The following LRRTM4 variants were observed in gnomAD, a reference collection of about 807,000 sequenced individuals.
LRRTM4 encodes leucine rich repeat transmembrane neuronal 4, also known as leucine-rich repeat transmembrane neuronal protein 4.
A neutral mutation model predicts 47.6 loss-of-function variants in LRRTM4; 25 were observed. That is an observed-to-expected ratio of 0.53 (90% CI 0.38 to 0.73). LRRTM4 has a LOEUF of 0.73. Ranked by LOEUF, LRRTM4 falls within the 30% of genes least tolerant of loss-of-function variation. The probability of loss-of-function intolerance (pLI) is 0.00; values close to 1 mark genes in which losing one functional copy is unlikely to be tolerated. For synonymous variants in LRRTM4, 311 were observed against 269.5 expected (o/e 1.15, Z -1.51); for missense variants, 638 against 713.4 (o/e 0.89, Z 1.20).
chr2:77,391,492 T>C (rs1673502942), intron 3 of LRRTM4, among the ~76,000 whole-genome samples: 3 of 152,062 alleles, frequency 2.0e-5, no homozygotes, highest in Non-Finnish European at 2.9e-5. Context: ...AGTTCACATC[T>C]GTCTTCAAGG....
intron 3 of LRRTM4, among the ~76,000 whole-genome samples, chr2:77,229,189 A>G (rs1674897450): frequency 6.6e-6 from 1 of 152,050 alleles, no homozygotes; most frequent in African/African-American, 2.4e-5. Context: ...ACTTGCATTC[A>G]TAAATTGTAA....
intron 3 of LRRTM4, among the ~76,000 whole-genome samples, chr2:77,044,414 C>A (rs1240563206): frequency 6.6e-6 from 1 of 151,738 alleles, no homozygotes; most frequent in East Asian, 1.9e-4. Flanking sequence ...AAAATGCTAA[C>A]TTCTATCCTA....
chr2:77,174,649 G>T (rs1673142052), intron 3 of LRRTM4, among the ~76,000 whole-genome samples: 1 of 151,078 alleles, frequency 6.6e-6, no homozygotes, highest in Non-Finnish European at 1.5e-5. Context: ...TGTTTTTTTT[G>T]TTTGTTTTTT....
chr2:77,471,664 G>A (rs1573459182), intron 3 of LRRTM4, among the ~76,000 whole-genome samples: 1 of 152,062 alleles, frequency 6.6e-6, no homozygotes, highest in Non-Finnish European at 1.5e-5. Flanking sequence ...TCTTTGCCTG[G>A]AAATCCACTT....
At chr2:76,791,835 C>G (rs1057396627) in intron 3 of LRRTM4, among the ~76,000 whole-genome samples, 1 of 152,132 alleles carries the variant, frequency 6.6e-6, no homozygotes, top group African/African-American at 2.4e-5. Flanking sequence ...CAAGTCAAAA[C>G]ATTGTAATAA....
At position 77,519,462 on chromosome 2, in the gene LRRTM4, C is replaced by T. The variant is rs775060136; in HGVS notation, c.407G>A (p.Arg136His). ...CTTATTGTAGGAGAGGTCCAGATTGCGGAGATTGGGAACTGGGTGAAATGT... is the reference window on the plus strand; with the variant it reads ...CTTATTGTAGGAGAGGTCCAGATTGTGGAGATTGGGAACTGGGTGAAATGT... ...NKTFHPVPNLRNLDLSYNKLQ... is the reference protein window; with the variant it reads ...NKTFHPVPNLHNLDLSYNKLQ... Residue 136 changes from arginine (R) to histidine (H), a missense_variant, in exon 3 of 4, where the codon CGC becomes CAC. Physicochemically the swap from Arg to His is conservative, Grantham distance 29. Transcript: ENST00000409884. The surrounding 1 kb of genome is among the most constrained non-coding windows in gnomAD (Gnocchi z 4.6). 25 of 1,613,348 alleles carry T rather than the reference C, an allele frequency of 1.5e-5. No homozygotes were observed. The highest frequency in any genetic ancestry group is 2.2e-5 in the East Asian group (1 of 44,834).
chr2:76,906,550 G>A (rs973267027), intron 3 of LRRTM4, among the ~76,000 whole-genome samples: 1 of 152,118 alleles, frequency 6.6e-6, no homozygotes, highest in Admixed American at 6.6e-5. Flanking sequence ...ACACAGACTG[G>A]CAAATTGGAT....
intron 3 of LRRTM4, among the ~76,000 whole-genome samples, chr2:77,005,140 TTTTTG>T (rs956350568): frequency 2.2e-4 from 33 of 151,986 alleles, no homozygotes; most frequent in South Asian, 1.0e-3. Context: ...GGCATGATTG[TTTTTG>T]TTTTGTTTTG....
chr2:76,822,807 T>C (rs1671090758), intron 3 of LRRTM4, among the ~76,000 whole-genome samples: 1 of 151,510 alleles, frequency 6.6e-6, no homozygotes, highest in African/African-American at 2.4e-5. Flanking sequence ...TTATTATTTA[T>C]TTATTTATTA....
At chr2:77,391,169 A>G (rs1673488730) in intron 3 of LRRTM4, among the ~76,000 whole-genome samples, 1 of 152,060 alleles carries the variant, frequency 6.6e-6, no homozygotes, top group Non-Finnish European at 1.5e-5. Context: ...CTGCTTGAAT[A>G]GGACAGATGA....
At chr2:77,140,314 A>G (rs1306846241) in intron 3 of LRRTM4, among the ~76,000 whole-genome samples, 3 of 152,214 alleles carry the variant, frequency 2.0e-5, no homozygotes, top group Non-Finnish European at 4.4e-5. Flanking sequence ...CTTCAGAAAT[A>G]ATACCACACA....
intron 3 of LRRTM4, among the ~76,000 whole-genome samples, chr2:77,024,597 C>A (rs191727638): frequency 3.0e-4 from 46 of 151,614 alleles, no homozygotes; most frequent in African/African-American, 1.0e-3. Flanking sequence ...TGGAAAACCA[C>A]AAGTAAGCCT....
intron 3 of LRRTM4, among the ~76,000 whole-genome samples, chr2:76,938,123 T>C (rs1675020155): frequency 6.6e-6 from 1 of 152,134 alleles, no homozygotes; most frequent in African/African-American, 2.4e-5. Context: ...AAAAAAATTC[T>C]ACTGATTGGT....
chr2:77,046,315 A>G (rs1333404806), intron 3 of LRRTM4, among the ~76,000 whole-genome samples: 1 of 151,968 alleles, frequency 6.6e-6, no homozygotes. Context: ...TGTGAACTCC[A>G]TCTCTGGGAA....
intron 3 of LRRTM4, among the ~76,000 whole-genome samples, chr2:77,354,795 C>T (rs1320590039): frequency 2.6e-5 from 4 of 152,084 alleles, no homozygotes; most frequent in Admixed American, 2.6e-4. Context: ...ATGTATACTC[C>T]CAGCTCTTCT....
chr2:76,847,796 A>G (rs1671881334), intron 3 of LRRTM4, among the ~76,000 whole-genome samples: 1 of 152,138 alleles, frequency 6.6e-6, no homozygotes, highest in African/African-American at 2.4e-5. Flanking sequence ...TTCAAATTAG[A>G]TCACATTTGA....
At chr2:77,283,651 T>C (rs1558667781) in intron 3 of LRRTM4, among the ~76,000 whole-genome samples, 2 of 151,984 alleles carry the variant, frequency 1.3e-5, no homozygotes, top group South Asian at 2.1e-4. Context: ...TAAAAAGTAA[T>C]GAAATCGTAT....
intron 3 of LRRTM4, among the ~76,000 whole-genome samples, chr2:77,209,400 G>A (rs1674229268): frequency 6.6e-6 from 1 of 151,508 alleles, no homozygotes; most frequent in Admixed American, 6.6e-5. Flanking sequence ...TCAGAGAAAA[G>A]TGATGTGTTT....
chr2:77,366,516 T>C (rs1672469391), intron 3 of LRRTM4, among the ~76,000 whole-genome samples: 1 of 151,862 alleles, frequency 6.6e-6, no homozygotes, highest in Non-Finnish European at 1.5e-5. Context: ...CTCACAGATT[T>C]ATGTCTCCAG....
Sources: gnomAD v4.1 joint callset for allele counts (sites outside exome capture counted in the v4.1 genomes callset) on GRCh38, gnomAD v4.1.1 for gene constraint, Gnocchi (gnomAD v3.1) non-coding constraint, MANE v1.5 for transcripts, NCBI Gene and HGNC (gene_info 2026-07-23, HGNC 2026-07-21) for gene names.